Variants in NCAM2 observed in about 807,000 individuals in gnomAD.
NCAM2 encodes neural cell adhesion molecule 2.
A neutral mutation model predicts 98.1 loss-of-function variants in NCAM2; 30 were observed. That is an observed-to-expected ratio of 0.31 (90% CI 0.23 to 0.41). The LOEUF (loss-of-function observed/expected upper bound fraction) is 0.41. Among genes scored for constraint, NCAM2 ranks in the 10% least tolerant of loss-of-function variants. NCAM2 has a pLI of 1.00. For missense variants in NCAM2, 867 were observed against 1,005.8 expected, an observed-to-expected ratio of 0.86 and a Z score of 1.87; for synonymous variants, 368 against 342.4, an observed-to-expected ratio of 1.07 and a Z score of -0.83.
At chr21:21,461,113 G>A (rs1422792872) in intron 12 of NCAM2, among the ~76,000 whole-genome samples, 3 of 151,718 alleles carry the variant, frequency 2.0e-5, no homozygotes, top group Non-Finnish European at 4.4e-5. Context: ...GAAATGTTTA[G>A]TAATTACACA....
chr21:21,082,785 G>T (rs1228584789), intron 1 of NCAM2, among the ~76,000 whole-genome samples: 3 of 152,210 alleles, frequency 2.0e-5, no homozygotes, highest in Non-Finnish European at 2.9e-5. Flanking sequence ...TCTAGCTGTA[G>T]TGCCTGCCTT....
Position 21,096,517 on chromosome 21 carries a change from T to C in NCAM2, c.55+97899T>C, listed in dbSNP as rs570736320. ...AATATGTATTTAATACTCTAAAACA[T>C]TAGAAATATTGAGAATTAAAATGTT... On this transcript the variant is annotated intron_variant, in intron 1 of 17. Coordinates refer to ENST00000400546, the MANE Select transcript of NCAM2 (RefSeq NM_004540.5). Among the ~76,000 whole-genome samples, 3 of 151,910 alleles carry C rather than the reference T, an allele frequency of 2.0e-5. No individual in the cohort carries two copies. The East Asian group carries it at 5.8e-4, about 29-fold the overall frequency.
intron 1 of NCAM2, among the ~76,000 whole-genome samples, chr21:21,148,910 A>G (rs2067366937): frequency 6.6e-6 from 1 of 152,198 alleles, no homozygotes; most frequent in African/African-American, 2.4e-5. Context: ...TTTTGCTGGT[A>G]AGGCATGCAT....
chr21:21,452,514 T>A (rs1981289807), intron 12 of NCAM2, among the ~76,000 whole-genome samples: 2 of 130,358 alleles, frequency 1.5e-5, no homozygotes, highest in Admixed American at 9.4e-5. Flanking sequence ...ATATATAATA[T>A]ATAAAATATA....
chr21:21,487,218 A>G (rs768357049), intron 15 of NCAM2, among the ~76,000 whole-genome samples: 1 of 152,170 alleles, frequency 6.6e-6, no homozygotes, highest in Non-Finnish European at 1.5e-5. Flanking sequence ...TACTGTTGTT[A>G]TATGCAGCCA....
At chr21:21,534,453 T>C (rs889323676) in intron 16 of NCAM2, 84 bp from the exon 17 acceptor site, 17 of 1,154,684 alleles carry the variant, frequency 1.5e-5, no homozygotes, top group Admixed American at 2.9e-5. Flanking sequence ...GAAGGTAGAA[T>C]TGGGTGATTT....
intron 1 of NCAM2, among the ~76,000 whole-genome samples, chr21:21,157,157 TC>T (rs1403256305): frequency 6.6e-6 from 1 of 152,156 alleles, no homozygotes; most frequent in Non-Finnish European, 1.5e-5. Context: ...GCTGTATCTT[TC>T]ACTCAACTAA....
chr21:21,071,922 T>C (rs142042905), intron 1 of NCAM2, among the ~76,000 whole-genome samples: 1,355 of 142,440 alleles, frequency 9.5e-3, no homozygotes, highest in African/African-American at 0.037. Context: ...TATCTATCTA[T>C]ATTTTTTTGA....
At chr21:21,160,217 C>G (rs1309050848) in intron 1 of NCAM2, among the ~76,000 whole-genome samples, 3 of 151,830 alleles carry the variant, frequency 2.0e-5, no homozygotes, top group Non-Finnish European at 2.9e-5. Flanking sequence ...GACAAAAAGA[C>G]CAAAAGATAA....
chr21:21,055,707 C>T (rs979300020), intron 1 of NCAM2, among the ~76,000 whole-genome samples: 1 of 152,012 alleles, frequency 6.6e-6, no homozygotes, highest in Non-Finnish European at 1.5e-5. Flanking sequence ...CAGGGACACC[C>T]CACTTGAGAT....
At chr21:21,243,638 T>A (rs2071154427) in intron 1 of NCAM2, among the ~76,000 whole-genome samples, 1 of 152,160 alleles carries the variant, frequency 6.6e-6, no homozygotes, top group African/African-American at 2.4e-5. Flanking sequence ...CACATGACTA[T>A]CTAGCTTAAG....
chr21:21,224,288 G>C (rs762820980), intron 1 of NCAM2, among the ~76,000 whole-genome samples: 1 of 152,108 alleles, frequency 6.6e-6, no homozygotes, highest in South Asian at 2.1e-4. Context: ...TTAGCGAATG[G>C]CCCTCCATTC....
intron 5 of NCAM2, among the ~76,000 whole-genome samples, chr21:21,317,563 TAG>T (rs1216775558): frequency 6.6e-6 from 1 of 152,022 alleles, no homozygotes; most frequent in East Asian, 1.9e-4. Context: ...TTTTTTGAGA[TAG>T]AGTCTTGCTC....
intron 1 of NCAM2, among the ~76,000 whole-genome samples, chr21:21,074,260 C>T (rs939246582): frequency 4.5e-4 from 68 of 151,322 alleles, no homozygotes; most frequent in Admixed American, 1.1e-3. Flanking sequence ...ATAATTTAAA[C>T]GATTTTGATG....
At chr21:21,148,003 A>G (rs755587606) in intron 1 of NCAM2, among the ~76,000 whole-genome samples, 19 of 151,992 alleles carry the variant, frequency 1.3e-4, no homozygotes, top group Non-Finnish European at 2.9e-5. Context: ...AGGGCAGGAT[A>G]AGATGGATGT....
At chr21:21,123,238 A>G (rs1393315234) in intron 1 of NCAM2, among the ~76,000 whole-genome samples, 1 of 151,972 alleles carries the variant, frequency 6.6e-6, no homozygotes, top group Non-Finnish European at 1.5e-5. Flanking sequence ...TACTAAAAAT[A>G]CAAAAAATCA....
chr21:21,539,641 G>T lies in NCAM2; in HGVS notation c.*1684G>T. ...AGCAGGACAGAATATGACCATCTTCGTTTGAAGGCACCAAATCGTCGCAGT... is the reference window on the plus strand; with the variant it reads ...AGCAGGACAGAATATGACCATCTTCTTTTGAAGGCACCAAATCGTCGCAGT... On this transcript the variant is annotated 3_prime_UTR_variant, in exon 18 of 18. Coordinates refer to ENST00000400546, the MANE Select transcript of NCAM2 (RefSeq NM_004540.5). The T allele has an allele frequency of 6.6e-6, 1 of 152,114 alleles. No individual in the cohort carries two copies. Among genetic ancestry groups the T allele is most frequent in the East Asian group, 1.9e-4 (1 of 5,180 alleles). The allele number at this position is 152,114 out of a possible 1,614,324, so 9.4% of individuals were successfully genotyped here. A position where few individuals can be genotyped will look rare whatever the true frequency, so the allele number is the denominator to read the frequency against.
intron 1 of NCAM2, among the ~76,000 whole-genome samples, chr21:21,179,927 T>C (rs1268720437): frequency 6.6e-6 from 1 of 152,212 alleles, no homozygotes; most frequent in African/African-American, 2.4e-5. Context: ...TTATTTCTCA[T>C]AATTCTGTTG....
At chr21:21,101,367 TG>T (rs1210508129) in intron 1 of NCAM2, among the ~76,000 whole-genome samples, 1 of 152,030 alleles carries the variant, frequency 6.6e-6, no homozygotes, top group African/African-American at 2.4e-5. Context: ...TTTATGTTTT[TG>T]ATTCTGTGAT....
Sources: gnomAD v4.1 joint callset for allele counts (sites outside exome capture counted in the v4.1 genomes callset) on GRCh38, gnomAD v4.1.1 for gene constraint, MANE v1.5 for transcripts, NCBI Gene and HGNC (gene_info 2026-07-23, HGNC 2026-07-21) for gene names.